PGBD2: variants seen among roughly 807,000 people sequenced by gnomAD.
PGBD2 encodes piggyBac transposable element derived 2.
Under a neutral mutation model 8.1 loss-of-function variants are expected in PGBD2, and 6 were observed. The ratio of observed to expected loss-of-function variants is 0.74; its 90% CI spans 0.40 to 1.46. The LOEUF is 1.46. PGBD2 is among the 40% of genes most tolerant of loss of function. PGBD2 has a pLI of 0.02. For synonymous variants in PGBD2, 318 were observed against 272.2 expected (o/e 1.17, Z -1.66); for missense variants, 802 against 739.0 (o/e 1.09, Z -0.99).
downstream of PGBD2, among the ~76,000 whole-genome samples, chr1:248,922,603 C>G (rs999681173): frequency 6.6e-6 from 1 of 152,130 alleles, no homozygotes; most frequent in African/African-American, 2.4e-5. Flanking sequence ...TTGTCATAAA[C>G]AGCTCTTATT....
intron 2 of PGBD2, chr1:248,914,407 T>C: frequency 1.6e-6 from 2 of 1,236,404 alleles, no homozygotes; most frequent in Non-Finnish European, 2.1e-6. Flanking sequence ...TTTCTTTCCC[T>C]TTAAGCCGGT....
the PGBD2 span, among the ~76,000 whole-genome samples, chr1:248,926,844 A>G: frequency 0.015 from 2,240 of 152,310 alleles, 58 homozygotes; most frequent in African/African-American, 0.051. Flanking sequence ...CTTTATGCTA[A>G]TTTTAAACTC....
chr1:248,917,632 T>C lies in PGBD2; in HGVS notation c.1048T>C (p.Phe350Leu), dbSNP rs1221410462. The C allele has an allele frequency of 6.2e-7, 1 of 1,614,106 alleles. No homozygotes were observed. The highest frequency in any genetic ancestry group is 2.2e-5 in the East Asian group (1 of 44,900). ...TGGTTTTCTGCCATATCACATATTT[T>C]TTGACAAGGTTTTCACAAGTGTTAA... ...ERGFLPYHIF[F>L]DKVFTSVKLM... Residue 350 changes from phenylalanine to leucine, a missense_variant, in exon 3 of 3, where the codon TTT becomes CTT. Physicochemically the swap from Phe to Leu is conservative, Grantham distance 22. Coordinates refer to ENST00000329291, the MANE Select transcript of PGBD2 (RefSeq NM_170725.3).
intron 1 of PGBD2, among the ~76,000 whole-genome samples, chr1:248,913,374 G>A (rs910879149): frequency 1.2e-4 from 18 of 152,208 alleles, no homozygotes; most frequent in African/African-American, 4.3e-4. Context: ...GTTTCATTAA[G>A]TGTTGTTTTC....
intron 1 of PGBD2, among the ~76,000 whole-genome samples, chr1:248,910,288 C>T (rs112416096): frequency 3.3e-5 from 5 of 152,350 alleles, no homozygotes; most frequent in African/African-American, 1.2e-4. Context: ...GAGTTTGTTG[C>T]AAAGTTTTGA....
chr1:248,918,520 T>C lies in PGBD2; in HGVS notation c.*157T>C. The C allele has an allele frequency of 1.2e-5, 7 of 591,062 alleles. No individual in the cohort carries two copies. In the South Asian group the frequency reaches 1.3e-4, roughly 11 times the overall value. The allele number at this position is 591,062 out of a possible 1,614,324, so 36.6% of individuals were successfully genotyped here. ...ACCCACAATACAGTTATCTTTTTTA[T>C]TGTGTTGTGTTATGCCTACATGTGA... On this transcript the variant is annotated 3_prime_UTR_variant, in exon 3 of 3. Coordinates refer to ENST00000329291, the MANE Select transcript of PGBD2 (RefSeq NM_170725.3).
chr1:248,887,631 C>G, the PGBD2 span, among the ~76,000 whole-genome samples: 4 of 152,112 alleles, frequency 2.6e-5, no homozygotes, highest in African/African-American at 9.7e-5. Context: ...ATGCTCCAGT[C>G]TGGACAAGAA....
chr1:248,905,465 TTTTA>T (rs538955760), upstream of PGBD2, among the ~76,000 whole-genome samples: 114 of 151,824 alleles, frequency 7.5e-4, no homozygotes, highest in Non-Finnish European at 1.2e-3. Context: ...GGGGAGATAC[TTTTA>T]TTTGTCATAA....
rs1460056289 is a variant in PGBD2 at position 248,918,210 on chromosome 1, G to C, written c.1626G>C (p.Glu542Asp). 3 of 1,614,178 alleles carry C rather than the reference G, an allele frequency of 1.9e-6. No homozygotes were observed. The highest frequency in any genetic ancestry group is 2.5e-6 in the Non-Finnish European group (3 of 1,180,030). Residue 542 changes from glutamate (E) to aspartate (D), a missense_variant, in exon 3 of 3, where the codon GAG becomes GAC. By Grantham distance (45) the Glu-to-Asp change is conservative (BLOSUM62 2). Transcript: ENST00000329291. ...TSQGRRSRRL[E>D]TESRFDMIGH... ...AAGGGAGGCGAAGCAGGCGGTTGGA[G>C]ACTGAGAGCCGCTTCGATATGATTG...
At chr1:248,881,077 G>A in the PGBD2 span, among the ~76,000 whole-genome samples, 10 of 152,144 alleles carry the variant, frequency 6.6e-5, no homozygotes, top group Non-Finnish European at 1.5e-4. Flanking sequence ...CAGCCTAGGA[G>A]CAGGGGTCCC....
At chr1:248,877,036 A>G in the PGBD2 span, among the ~76,000 whole-genome samples, 1 of 152,222 alleles carries the variant, frequency 6.6e-6, no homozygotes, top group Non-Finnish European at 1.5e-5. Context: ...CAAAAATCAC[A>G]TGTAATATTC....
At chr1:248,877,494 C>T in the PGBD2 span, among the ~76,000 whole-genome samples, 1 of 151,672 alleles carries the variant, frequency 6.6e-6, no homozygotes, top group Non-Finnish European at 1.5e-5. Flanking sequence ...GAATAAAGAC[C>T]CAGCCTCCCA....
At chr1:248,922,130 G>A, downstream of PGBD2, among the ~76,000 whole-genome samples, 1 of 151,334 alleles carries the variant, frequency 6.6e-6, no homozygotes, top group East Asian at 1.9e-4. Flanking sequence ...CACGATCTCG[G>A]CTCACTGCAA....
the PGBD2 span, among the ~76,000 whole-genome samples, chr1:248,873,921 T>TC: frequency 6.6e-6 from 1 of 152,202 alleles, no homozygotes; most frequent in East Asian, 1.9e-4. Flanking sequence ...GGCTTTCTGG[T>TC]CTCCGGATGG....
chr1:248,873,843 C>A, the PGBD2 span, among the ~76,000 whole-genome samples: 1 of 152,228 alleles, frequency 6.6e-6, no homozygotes. Context: ...GAGAAGCGCT[C>A]TGCTTCCGAG....
Position 248,917,390 on chromosome 1 carries a change from G to A in PGBD2, c.806G>A (p.Gly269Asp), listed in dbSNP as rs757305959. Residue 269 changes from glycine to aspartate, a missense_variant, in exon 3 of 3, where the codon GGC becomes GAC. Transcript: ENST00000329291. ...CCCTTGGAAGAGTTCTACAGCTTTG[G>A]CGAGTCTATGTGTGAGTACTTTGGG... ...HAPLEEFYSF[G>D]ESMCEYFGHR... The A allele has an allele frequency of 6.2e-7, 1 of 1,614,152 alleles. No homozygotes were observed. Among genetic ancestry groups the A allele is most frequent in the Non-Finnish European group, 8.5e-7 (1 of 1,180,022 alleles).
At chr1:248,880,210 A>G in the PGBD2 span, among the ~76,000 whole-genome samples, 32 of 142,972 alleles carry the variant, frequency 2.2e-4, no homozygotes, top group African/African-American at 9.5e-4. Flanking sequence ...GACCTGATTG[A>G]CCCTCAAAGC....
chr1:248,914,370 C>T, intron 2 of PGBD2: 4 of 981,668 alleles, frequency 4.1e-6, no homozygotes, highest in Non-Finnish European at 4.8e-6. Flanking sequence ...ACCCCTTACT[C>T]CAAGGTCCAT....
chr1:248,919,719 G>A (rs1327919156), downstream of PGBD2: 1 of 166,330 alleles, frequency 6.0e-6, no homozygotes, highest in Non-Finnish European at 1.5e-5. Flanking sequence ...GTGTTCAAGG[G>A]TTCCCTTTTC....
Sources: gnomAD v4.1 joint callset for allele counts (sites outside exome capture counted in the v4.1 genomes callset) on GRCh38, gnomAD v4.1.1 for gene constraint, MANE v1.5 for transcripts, NCBI Gene and HGNC (gene_info 2026-07-23, HGNC 2026-07-21) for gene names.